Variants in ARHGAP10 observed in about 807,000 individuals in gnomAD.
ARHGAP10 encodes the protein Rho GTPase activating protein 10, also known as rho GTPase-activating protein 10.
A neutral mutation model predicts 108.6 loss-of-function variants in ARHGAP10; 87 were observed. That is an observed-to-expected ratio of 0.80 (90% CI 0.67 to 0.96). The LOEUF (loss-of-function observed/expected upper bound fraction) is 0.96, where lower values mean the gene tolerates loss of function less well. Ranked by LOEUF, ARHGAP10 falls within the 40% of genes least tolerant of loss-of-function variation. The pLI, the probability that ARHGAP10 is intolerant of heterozygous loss-of-function variation, is 0.00. For missense variants in ARHGAP10, 939 were observed against 954.5 expected (o/e 0.98, Z 0.21); for synonymous variants, 347 against 341.1 (o/e 1.02, Z -0.19).
chr4:148,063,699 C>G (rs1729727819), intron 21 of ARHGAP10, among the ~76,000 whole-genome samples: 1 of 152,248 alleles, frequency 6.6e-6, no homozygotes, highest in South Asian at 2.1e-4. Context: ...GACAGAGCTG[C>G]TGCCCTCCAG....
At chr4:147,857,502 C>G (rs768447531) in intron 4 of ARHGAP10, 51 bp from the exon 5 acceptor site, 13 of 1,373,722 alleles carry the variant, frequency 9.5e-6, no homozygotes, top group Non-Finnish European at 7.7e-6. Flanking sequence ...GTGGATTAAC[C>G]ATGTGTATCC....
At chr4:147,914,336 A>G (rs1024224462) in intron 13 of ARHGAP10, among the ~76,000 whole-genome samples, 8 of 151,608 alleles carry the variant, frequency 5.3e-5, no homozygotes, top group Non-Finnish European at 1.2e-4. Context: ...CCTTTCCTGT[A>G]TTTGCTGCGT....
At chr4:147,921,396 C>T (rs1737225762) in intron 13 of ARHGAP10, among the ~76,000 whole-genome samples, 1 of 152,182 alleles carries the variant, frequency 6.6e-6, no homozygotes, top group Non-Finnish European at 1.5e-5. Context: ...TTGGGTCTCT[C>T]TGCTTTAGAC....
intron 1 of ARHGAP10, among the ~76,000 whole-genome samples, chr4:147,814,979 A>C (rs1732180704): frequency 6.6e-6 from 1 of 152,156 alleles, no homozygotes; most frequent in Non-Finnish European, 1.5e-5. Context: ...AGCACCCATT[A>C]AACCAGGCTT....
chr4:147,878,774 CTTTTTTTTTTT>C (rs11384854), intron 8 of ARHGAP10, among the ~76,000 whole-genome samples: 1 of 124,874 alleles, frequency 8.0e-6, no homozygotes, highest in East Asian at 2.3e-4. Context: ...CCTTCTTCCT[CTTTTTTTTTTT>C]TTTTTTTTTG....
intron 1 of ARHGAP10, among the ~76,000 whole-genome samples, chr4:147,747,416 T>C (rs1728978491): frequency 6.6e-6 from 1 of 152,226 alleles, no homozygotes; most frequent in Non-Finnish European, 1.5e-5. Flanking sequence ...TTCAACCTAG[T>C]TGAAGAAACA....
intron 1 of ARHGAP10, among the ~76,000 whole-genome samples, chr4:147,753,991 C>T (rs1289599986): frequency 6.6e-6 from 1 of 152,162 alleles, no homozygotes; most frequent in Non-Finnish European, 1.5e-5. Flanking sequence ...AAAGACCTAA[C>T]GTTCCTAAAA....
At chr4:147,812,396 C>T (rs1416779684) in intron 1 of ARHGAP10, among the ~76,000 whole-genome samples, 1 of 152,082 alleles carries the variant, frequency 6.6e-6, no homozygotes, top group Non-Finnish European at 1.5e-5. Context: ...CTAGCTTGAC[C>T]TTGCTTGTGA....
At chr4:147,822,578 G>A (rs2126786317) in intron 1 of ARHGAP10, 149 bp from the exon 2 acceptor site, 2 of 728,674 alleles carry the variant, frequency 2.7e-6, no homozygotes, top group East Asian at 2.7e-5. Flanking sequence ...TGAAGATGGC[G>A]GGCCATTTGG....
intron 22 of ARHGAP10, among the ~76,000 whole-genome samples, chr4:148,071,638 CA>C (rs11393465): frequency 1.3e-5 from 2 of 150,638 alleles, no homozygotes; most frequent in African/African-American, 4.9e-5. Context: ...AACAAACAAA[CA>C]AAAAAAAACA....
intron 3 of ARHGAP10, among the ~76,000 whole-genome samples, chr4:147,837,411 A>G (rs938872861): frequency 1.1e-4 from 17 of 152,212 alleles, no homozygotes; most frequent in African/African-American, 3.9e-4. Flanking sequence ...AACATAAAGG[A>G]AATTCATTAA....
At chr4:147,801,952 A>T (rs569927820) in intron 1 of ARHGAP10, among the ~76,000 whole-genome samples, 2 of 152,166 alleles carry the variant, frequency 1.3e-5, no homozygotes, top group Non-Finnish European at 2.9e-5. Context: ...AACTCTTTGG[A>T]TGTCTGGGAT....
At chr4:147,887,371 T>A (rs1031888718) in intron 10 of ARHGAP10, among the ~76,000 whole-genome samples, 21 of 152,064 alleles carry the variant, frequency 1.4e-4, no homozygotes, top group African/African-American at 4.8e-4. Flanking sequence ...CAAGCAACTC[T>A]ACTTTTTCTT....
At chr4:148,046,853 A>G (rs187101239) in intron 19 of ARHGAP10, 39 bp from the exon 20 acceptor site, 1 of 1,578,774 alleles carries the variant, frequency 6.3e-7, no homozygotes, top group Admixed American at 1.8e-5. Context: ...TTTCTTCTCC[A>G]GGTATTTGTT....
intron 10 of ARHGAP10, among the ~76,000 whole-genome samples, chr4:147,899,345 C>T (rs557608042): frequency 1.4e-5 from 2 of 147,766 alleles, no homozygotes; most frequent in Non-Finnish European, 3.0e-5. Context: ...GTGTGTGTGT[C>T]TGTGTCTGTG....
At chr4:147,996,339 A>G (rs58776118) in intron 18 of ARHGAP10, among the ~76,000 whole-genome samples, 10,077 of 152,290 alleles carry the variant, frequency 0.066, 1,118 homozygotes, top group African/African-American at 0.23. Flanking sequence ...CAGGAGAGGA[A>G]GGTGGGAAAG....
intron 8 of ARHGAP10, among the ~76,000 whole-genome samples, chr4:147,876,929 C>G (rs1735090391): frequency 6.6e-6 from 1 of 152,186 alleles, no homozygotes; most frequent in Non-Finnish European, 1.5e-5. Flanking sequence ...CTAGGTCATA[C>G]AACTACTAAA....
chr4:147,741,666 G>A (rs531773657), intron 1 of ARHGAP10, among the ~76,000 whole-genome samples: 2 of 151,890 alleles, frequency 1.3e-5, no homozygotes, highest in South Asian at 4.2e-4. Context: ...GTATTGAGAA[G>A]GCCTTGATAT....
chr4:147,794,016 A>G (rs1267220317), intron 1 of ARHGAP10, among the ~76,000 whole-genome samples: 1 of 152,246 alleles, frequency 6.6e-6, no homozygotes, highest in East Asian at 1.9e-4. Context: ...CACAGACTGC[A>G]GTGATTGAGT....
Sources: gnomAD v4.1 joint callset for allele counts (sites outside exome capture counted in the v4.1 genomes callset) on GRCh38, gnomAD v4.1.1 for gene constraint, MANE v1.5 for transcripts, NCBI Gene and HGNC (gene_info 2026-07-23, HGNC 2026-07-21) for gene names.